Variants in LMBRD1 observed in about 807,000 individuals in gnomAD.
LMBRD1 encodes LMBR1 domain containing 1, also known as lysosomal cobalamin transport escort protein LMBD1.
LMBRD1 carries 64 observed loss-of-function variants against 74.8 expected under a neutral mutation model. The ratio of observed to expected loss-of-function variants is 0.86; its 90% confidence interval spans 0.70 to 1.05. The LOEUF (loss-of-function observed/expected upper bound fraction) is 1.05. Among genes scored for constraint, LMBRD1 ranks in the 50% least tolerant of loss-of-function variants. The probability of loss-of-function intolerance (pLI) is 0.00; values close to 1 mark genes in which losing one functional copy is unlikely to be tolerated. For synonymous variants in LMBRD1, 204 were observed against 216.3 expected, an observed-to-expected ratio of 0.94 and a Z score of 0.50; for missense variants, 652 against 645.9, an observed-to-expected ratio of 1.01 and a Z score of -0.10.
At chr6:69,711,943 G>A (rs889365273) in intron 9 of LMBRD1, among the ~76,000 whole-genome samples, 9 of 152,046 alleles carry the variant, frequency 5.9e-5, no homozygotes, top group African/African-American at 2.2e-4. Flanking sequence ...CAGGTACTAA[G>A]CAAGGAACCC....
intron 5 of LMBRD1, among the ~76,000 whole-genome samples, chr6:69,749,073 T>G (rs1765057995): frequency 6.6e-6 from 1 of 151,950 alleles, no homozygotes; most frequent in South Asian, 2.1e-4. Flanking sequence ...ATATAAAACA[T>G]AATCACATTT....
chr6:69,686,413 T>TA (rs1765765282), intron 14 of LMBRD1, among the ~76,000 whole-genome samples: 1 of 152,124 alleles, frequency 6.6e-6, no homozygotes, highest in Non-Finnish European at 1.5e-5. Context: ...TAGGTTACAC[T>TA]ATTAGTTCTC....
At chr6:69,783,265 T>C (rs920180443) in intron 2 of LMBRD1, among the ~76,000 whole-genome samples, 2 of 152,206 alleles carry the variant, frequency 1.3e-5, no homozygotes, top group African/African-American at 4.8e-5. Flanking sequence ...TCATCAATGA[T>C]TCAAGTATCC....
intron 7 of LMBRD1, among the ~76,000 whole-genome samples, chr6:69,727,487 C>T (rs185975930): frequency 1.3e-5 from 2 of 152,150 alleles, no homozygotes; most frequent in Admixed American, 6.5e-5. Flanking sequence ...CAATTTTTAT[C>T]AAATGTATAC....
At chr6:69,779,817 G>T (rs1765787022) in intron 3 of LMBRD1, among the ~76,000 whole-genome samples, 1 of 152,186 alleles carries the variant, frequency 6.6e-6, no homozygotes, top group African/African-American at 2.4e-5. Flanking sequence ...AAAATTAAAA[G>T]TTTATATGTA....
At chr6:69,719,411 T>TA (rs1274445268) in intron 7 of LMBRD1, among the ~76,000 whole-genome samples, 1 of 152,058 alleles carries the variant, frequency 6.6e-6, no homozygotes, top group Non-Finnish European at 1.5e-5. Flanking sequence ...TAAAAAAATT[T>TA]AAAAAAATGA....
intron 5 of LMBRD1, among the ~76,000 whole-genome samples, chr6:69,748,719 A>G (rs1765050213): frequency 6.6e-6 from 1 of 152,070 alleles, no homozygotes; most frequent in African/African-American, 2.4e-5. Context: ...ACAAAGATAA[A>G]TGTCTTCCAT....
chr6:69,702,721 C>T (rs74571842), intron 9 of LMBRD1, among the ~76,000 whole-genome samples: 13,788 of 152,036 alleles, frequency 0.091, 797 homozygotes, highest in Admixed American at 0.15. Flanking sequence ...GCGGGGACAA[C>T]TGGGCTAAAG....
At chr6:69,748,264 A>G (rs894842424) in intron 5 of LMBRD1, among the ~76,000 whole-genome samples, 5 of 152,202 alleles carry the variant, frequency 3.3e-5, no homozygotes, top group Non-Finnish European at 7.4e-5. Flanking sequence ...CCCGCTCCAG[A>G]TAATTCAGGT....
intron 3 of LMBRD1, among the ~76,000 whole-genome samples, chr6:69,766,405 G>A (rs763547784): frequency 6.6e-6 from 1 of 151,910 alleles, no homozygotes; most frequent in Non-Finnish European, 1.5e-5. Context: ...CATCTATTGA[G>A]ATGATCATTC....
intron 14 of LMBRD1, among the ~76,000 whole-genome samples, chr6:69,694,868 T>A (rs1224957189): frequency 1.3e-5 from 2 of 152,190 alleles, no homozygotes; most frequent in Non-Finnish European, 2.9e-5. Context: ...TTCAGTTAGA[T>A]CCTTTCCTAA....
intron 9 of LMBRD1, chr6:69,706,232 C>T (rs1343449744): frequency 1.3e-5 from 5 of 382,642 alleles, no homozygotes; most frequent in South Asian, 9.5e-5. Flanking sequence ...AGAGAACAGC[C>T]GCACAGGACA....
chr6:69,745,147 C>T (rs940068360), intron 5 of LMBRD1, among the ~76,000 whole-genome samples: 12 of 150,416 alleles, frequency 8.0e-5, no homozygotes, highest in African/African-American at 2.7e-4. Flanking sequence ...AGTGCTGTAA[C>T]TCTTAAAGCA....
At chr6:69,741,476 C>G (rs933236942) in intron 6 of LMBRD1, among the ~76,000 whole-genome samples, 2 of 151,908 alleles carry the variant, frequency 1.3e-5, no homozygotes, top group Non-Finnish European at 2.9e-5. Flanking sequence ...ACCTCCACCT[C>G]CCAGGTTCAA....
intron 15 of LMBRD1, 48 bp downstream of exon 15, chr6:69,676,402 A>C (rs369544445): frequency 2.5e-6 from 4 of 1,586,558 alleles, no homozygotes; most frequent in Non-Finnish European, 3.5e-6. Context: ...ACATTTAACT[A>C]TAATTTATAA....
intron 9 of LMBRD1, among the ~76,000 whole-genome samples, chr6:69,707,118 G>A (rs563075339): frequency 1.3e-5 from 2 of 152,212 alleles, no homozygotes; most frequent in African/African-American, 4.8e-5. Flanking sequence ...TATCATTTGG[G>A]AACATCTCTC....
At chr6:69,702,844 T>C (rs1301231444) in intron 9 of LMBRD1, among the ~76,000 whole-genome samples, 9 of 152,164 alleles carry the variant, frequency 5.9e-5, no homozygotes, top group Middle Eastern at 6.8e-3. Flanking sequence ...TATGAAATCA[T>C]GAATGGTAGG....
intron 9 of LMBRD1, among the ~76,000 whole-genome samples, chr6:69,710,811 T>A (rs1419630227): frequency 1.3e-5 from 2 of 152,148 alleles, no homozygotes; most frequent in Admixed American, 1.3e-4. Context: ...AGACACTACA[T>A]AAGAGTTGAC....
intron 13 of LMBRD1, among the ~76,000 whole-genome samples, chr6:69,698,086 A>G (rs1415277862): frequency 6.6e-6 from 1 of 152,028 alleles, no homozygotes; most frequent in African/African-American, 2.4e-5. Context: ...AAGAAGTGAG[A>G]AATATGGTTC....
Sources: gnomAD v4.1 joint callset for allele counts (sites outside exome capture counted in the v4.1 genomes callset) on GRCh38, gnomAD v4.1.1 for gene constraint, MANE v1.5 for transcripts, NCBI Gene and HGNC (gene_info 2026-07-23, HGNC 2026-07-21) for gene names.